Variants in CNTN5 observed in about 807,000 individuals in gnomAD.
CNTN5 encodes the protein contactin-5.
In CNTN5, 77 loss-of-function variants were observed where a neutral mutation model predicts 129.1. The observed-to-expected ratio is 0.60, with a 90% CI of 0.50 to 0.72. The LOEUF (loss-of-function observed/expected upper bound fraction) is 0.72. CNTN5 is among the 30% of genes least tolerant of loss of function. CNTN5 has a pLI of 0.00. For synonymous variants in CNTN5, 509 were observed against 465.6 expected (o/e 1.09, Z -1.20); for missense variants, 1,478 against 1,328.8 (o/e 1.11, Z -1.75).
chr11:99,555,831 A>G lies in CNTN5; in HGVS notation c.-70-314A>G, dbSNP rs557616514. Reference sequence around the variant, plus strand: ...TCCAATAATTTGTCTAAGGTAATAAATATAGCTATTACACATTCCCTGTGA... The same window carrying G: ...TCCAATAATTTGTCTAAGGTAATAAGTATAGCTATTACACATTCCCTGTGA... On this transcript the variant is annotated intron_variant, in intron 2 of 24. Transcript: ENST00000524871. Among the ~76,000 whole-genome samples the G allele has an allele frequency of 2.6e-5, 4 of 151,990 alleles. No individual in the cohort carries two copies. The East Asian group carries it at 7.7e-4, about 29-fold the overall frequency.
At chr11:100,290,218 G>C (rs902077508) in intron 18 of CNTN5, among the ~76,000 whole-genome samples, 2 of 151,468 alleles carry the variant, frequency 1.3e-5, no homozygotes, top group African/African-American at 4.9e-5. Flanking sequence ...TCCCCATCAA[G>C]CTACCAATGC....
At chr11:100,256,742 G>C (rs1442711033) in intron 17 of CNTN5, among the ~76,000 whole-genome samples, 1 of 152,066 alleles carries the variant, frequency 6.6e-6, no homozygotes, top group African/African-American at 2.4e-5. Flanking sequence ...GTGAGAGACT[G>C]TGTCATGAGG....
chr11:100,181,734 A>G (rs532547175), intron 13 of CNTN5, among the ~76,000 whole-genome samples: 1 of 152,058 alleles, frequency 6.6e-6, no homozygotes, highest in East Asian at 1.9e-4. Flanking sequence ...CCTTACAATT[A>G]TCTCCAAAAT....
intron 3 of CNTN5, among the ~76,000 whole-genome samples, chr11:99,626,561 G>A (rs1402055806): frequency 1.3e-5 from 2 of 152,028 alleles, no homozygotes; most frequent in Admixed American, 6.6e-5. Context: ...CAGACTGAAG[G>A]AATCACTGCT....
intron 2 of CNTN5, among the ~76,000 whole-genome samples, chr11:99,437,007 A>C (rs1217742148): frequency 6.6e-6 from 1 of 152,112 alleles, no homozygotes; most frequent in African/African-American, 2.4e-5. Flanking sequence ...TTTTCAGTGA[A>C]CTCCAACTGT....
intron 13 of CNTN5, among the ~76,000 whole-genome samples, chr11:100,177,252 G>A: frequency 6.6e-6 from 1 of 152,080 alleles, no homozygotes; most frequent in Admixed American, 6.6e-5. Context: ...ACCTCCAAGT[G>A]AGATGTCAGC....
intron 1 of CNTN5, among the ~76,000 whole-genome samples, chr11:99,255,105 A>T (rs1289785421): frequency 6.6e-6 from 1 of 151,962 alleles, no homozygotes; most frequent in African/African-American, 2.4e-5. Flanking sequence ...TATATATATT[A>T]TACTTAGCAA....
intron 3 of CNTN5, among the ~76,000 whole-genome samples, chr11:99,642,947 G>A (rs2458171): frequency 0.6 from 91,402 of 151,932 alleles, 28,322 homozygotes; most frequent in Admixed American, 0.69. Context: ...TGGCTAAATC[G>A]TATTCCATTG....
intron 13 of CNTN5, among the ~76,000 whole-genome samples, chr11:100,173,633 G>A (rs1947883917): frequency 6.6e-6 from 1 of 152,134 alleles, no homozygotes; most frequent in Non-Finnish European, 1.5e-5. Flanking sequence ...AGAGGTGGTA[G>A]TTGAAAGAAG....
At chr11:99,968,956 G>T (rs1379083344) in intron 8 of CNTN5, among the ~76,000 whole-genome samples, 1 of 151,690 alleles carries the variant, frequency 6.6e-6, no homozygotes, top group Non-Finnish European at 1.5e-5. Context: ...TGTCTCTCTG[G>T]AAAGCTTATA....
At chr11:99,151,419 C>A (rs1408030044) in intron 1 of CNTN5, among the ~76,000 whole-genome samples, 1 of 152,074 alleles carries the variant, frequency 6.6e-6, no homozygotes, top group Non-Finnish European at 1.5e-5. Context: ...AATTAGCATT[C>A]CCTTCTTGTC....
intron 15 of CNTN5, among the ~76,000 whole-genome samples, chr11:100,210,461 T>C (rs934045517): frequency 6.6e-6 from 1 of 151,436 alleles, no homozygotes; most frequent in Non-Finnish European, 1.5e-5. Flanking sequence ...AGGTACAAAA[T>C]AGGTATACAC....
chr11:99,400,718 T>G (rs1224008228), intron 2 of CNTN5, among the ~76,000 whole-genome samples: 1 of 152,146 alleles, frequency 6.6e-6, no homozygotes, highest in African/African-American at 2.4e-5. Context: ...GGTTGCCTTT[T>G]CTCCACATCC....
chr11:100,287,218 C>A (rs1169954215), intron 18 of CNTN5, among the ~76,000 whole-genome samples: 1 of 152,142 alleles, frequency 6.6e-6, no homozygotes, highest in Non-Finnish European at 1.5e-5. Flanking sequence ...CCCAATCTAG[C>A]AAGGCAGGCC....
At chr11:99,165,178 T>C (rs1860813780) in intron 1 of CNTN5, among the ~76,000 whole-genome samples, 1 of 152,198 alleles carries the variant, frequency 6.6e-6, no homozygotes, top group South Asian at 2.1e-4. Flanking sequence ...AATCTGATAG[T>C]TGTTGTGATT....
chr11:99,805,907 A>T (rs572783631), intron 3 of CNTN5, among the ~76,000 whole-genome samples: 4 of 152,330 alleles, frequency 2.6e-5, no homozygotes, highest in African/African-American at 9.6e-5. Context: ...ACCACAGTAC[A>T]GTGTGTTCAG....
chr11:100,261,073 A>G (rs56991058), intron 17 of CNTN5, among the ~76,000 whole-genome samples: 2,800 of 152,292 alleles, frequency 0.018, 105 homozygotes, highest in African/African-American at 0.065. Flanking sequence ...AAACCTCCTT[A>G]AGCTGATAAG....
chr11:100,204,400 C>T lies in CNTN5; in HGVS notation c.1884+10737C>T, dbSNP rs1591390359. Among the ~76,000 whole-genome samples, 4 of 135,652 alleles carry T rather than the reference C, an allele frequency of 2.9e-5. No homozygotes were observed. In the South Asian group the frequency reaches 9.5e-4, roughly 32 times the overall value. The allele number at this position is 135,652 out of a possible 152,430, so 89.0% of individuals were successfully genotyped here. On this transcript the variant is annotated intron_variant, in intron 15 of 24. Coordinates refer to ENST00000524871, the MANE Select transcript of CNTN5 (RefSeq NM_014361.4). The stretch of plus-strand genomic sequence containing the variant: ...TCTATATAGATATCTATATATCTCT[C>T]ATTGATCTATATGGAGAGATGATAT...
At chr11:100,063,914 G>A (rs572949456) in intron 10 of CNTN5, among the ~76,000 whole-genome samples, 2 of 152,000 alleles carry the variant, frequency 1.3e-5, no homozygotes, top group Middle Eastern at 3.4e-3. Context: ...AAGTATGTCG[G>A]TTATCATGTA....
Sources: gnomAD v4.1 joint callset for allele counts (sites outside exome capture counted in the v4.1 genomes callset) on GRCh38, gnomAD v4.1.1 for gene constraint, MANE v1.5 for transcripts, NCBI Gene and HGNC (gene_info 2026-07-23, HGNC 2026-07-21) for gene names.